Variants in MYO15A observed in about 807,000 individuals in gnomAD.
The protein encoded by MYO15A is unconventional myosin-XV.
Under a neutral mutation model 394.6 loss-of-function variants are expected in MYO15A, and 308 were observed. That is an observed-to-expected ratio of 0.78 (90% CI 0.71 to 0.86). The LOEUF (loss-of-function observed/expected upper bound fraction) is 0.86, where lower values mean the gene tolerates loss of function less well. Among genes scored for constraint, MYO15A ranks in the 40% least tolerant of loss-of-function variants. The pLI, the probability that MYO15A is intolerant of heterozygous loss-of-function variation, is 0.00. For synonymous variants in MYO15A, 1,957 were observed against 2,003.8 expected (o/e 0.98, Z 0.62); for missense variants, 4,606 against 4,799.1 (o/e 0.96, Z 1.19).
rs114052634 is a variant in MYO15A, at chr17:18,122,311, C to A, written c.3511C>A (p.His1171Asn). 6.2e-7 allele frequency: 1 copy of A among 1,613,030 alleles called. No individual in the cohort carries two copies. The highest frequency in any genetic ancestry group is 1.3e-5 in the African/African-American group (1 of 75,074). Residue 1171 changes from histidine (H) to asparagine (N), a missense_variant, in exon 2 of 66, where the codon CAC becomes AAC. By Grantham distance (68) the His-to-Asn change is moderately conservative. This residue lies in a region of MYO15A where 1,830 missense variants were observed against 1,689.7 expected (regional missense o/e 1.08). Coordinates refer to ENST00000647165, the MANE Select transcript of MYO15A (RefSeq NM_016239.4). The stretch of plus-strand genomic sequence containing the variant: ...TGCCTATGGACCCTGGCCACGAGTA[C>A]ACACCCATCCCCAGTCCTGCCACCT... ...ADAYGPWPRV[H>N]THPQSCHLGP...
At chr17:18,133,029 C>A (rs978009932) in intron 11 of MYO15A, among the ~76,000 whole-genome samples, 196 bp from the exon 12 acceptor site, 12 of 152,248 alleles carry the variant, frequency 7.9e-5, no homozygotes, top group Non-Finnish European at 1.5e-4. Context: ...CAGGTGACAA[C>A]CCCTGCCACA....
In MYO15A at chr17:18,154,692, A is replaced by G; in HGVS notation, c.8161A>G (p.Thr2721Ala). 2.5e-6 allele frequency: 4 copies of G among 1,613,322 alleles called. No individual in the cohort carries two copies. Among genetic ancestry groups the G allele is most frequent in the South Asian group, 1.1e-5 (1 of 91,080 alleles). Residue 2721 changes from threonine (T) to alanine (A), a missense_variant, in exon 45 of 66, where the codon ACG (threonine) becomes GCG (alanine). Physicochemically the swap from Thr to Ala is moderately conservative, Grantham distance 58 (BLOSUM62 0). Transcript: ENST00000647165. ...CCTGTTCCCACAGATCCTGCACGAC[A>G]CGCTCTCCGAGGCCTGCCTTCGCAT... ...DLLFRQILHD[T>A]LSEACLRISE...
At position 18,146,064 on chromosome 17, in the gene MYO15A, A is replaced by G. The variant is rs868309475; in HGVS notation, c.6466A>G (p.Ser2156Gly). The G allele has an allele frequency of 1.2e-6, 2 of 1,613,824 alleles. No homozygotes were observed. The highest frequency in any genetic ancestry group is 1.6e-4 in the Middle Eastern group (1 of 6,084). ...CTGGCTGCTGCTGGCCGCCTGCCTC[A>G]GTGGCTTTGCACCTTCCCCGTGCTT... The part of the protein sequence containing the change: ...RGWLLLAACL[S>G]GFAPSPCFNK... The change falls in exon 30 of 66, where the codon AGT (serine) becomes GGT (glycine). Residue 2156 changes from serine to glycine, a missense_variant. Ser to Gly is a moderately conservative substitution (Grantham distance 56, BLOSUM62 0). Around this residue, in one of 2 missense-constraint regions of MYO15A, gnomAD observed 2,776 missense variants for 3,109.3 expected, o/e 0.89. Transcript: ENST00000647165.
At position 18,118,668 on chromosome 17, in the gene MYO15A, C is replaced by A; in HGVS notation, c.-133C>A. 1.4e-6 allele frequency: 2 copies of A among 1,409,004 alleles called. No individual in the cohort carries two copies. Among genetic ancestry groups the A allele is most frequent in the Non-Finnish European group, 1.9e-6 (2 of 1,036,842 alleles). The allele number at this position is 1,409,004 out of a possible 1,614,324, so 87.3% of individuals were successfully genotyped here. On this transcript the variant is annotated 5_prime_UTR_variant, in exon 2 of 66. Transcript: ENST00000647165. ...TCGGCCCTCCCCACGCCACCCAGGG[C>A]CAGTCGGGTCTGCTCACAGCCCGAG... is the stretch of plus-strand genomic sequence containing the variant.
intron 12 of MYO15A, among the ~76,000 whole-genome samples, chr17:18,134,231 G>T (rs146087074): frequency 0.013 from 1,973 of 150,804 alleles, 31 homozygotes; most frequent in African/African-American, 0.046. Context: ...CTCGTGATCC[G>T]CCCACCTCGG....
Position 18,148,357 on chromosome 17 carries a change from T to C in MYO15A, c.6692-139T>C. 6.9e-7 allele frequency: 1 copy of C among 1,447,998 alleles called. No individual in the cohort carries two copies. The highest frequency in any genetic ancestry group is 9.4e-7 in the Non-Finnish European group (1 of 1,061,396). 89.7% of individuals were successfully genotyped at this position (1,447,998 alleles called of 1,614,324 possible). A position where few individuals can be genotyped will look rare whatever the true frequency, so the allele number is the denominator to read the frequency against. On this transcript the variant is annotated intron_variant, in intron 31 of 65. Transcript: ENST00000647165. The surrounding 1 kb of genome is among the most constrained non-coding windows in gnomAD (Gnocchi z 4.8). ...CTGCGTGAAAGTCTGTGTGTGGGGGTGGGACCTGGCCCAGGAAAGGGGAGC... is the reference window on the plus strand; with the variant it reads ...CTGCGTGAAAGTCTGTGTGTGGGGGCGGGACCTGGCCCAGGAAAGGGGAGC...
intron 49 of MYO15A, 32 bp downstream of exon 49, chr17:18,157,097 A>AG (rs763327121): frequency 1.2e-6 from 2 of 1,612,806 alleles, no homozygotes; most frequent in African/African-American, 1.3e-5. Flanking sequence ...TGGGGGCAGG[A>AG]GGGGGAGGCT....
chr17:18,159,295 C>T lies in MYO15A; in HGVS notation c.9177C>T (p.Leu3059=). 1.2e-6 allele frequency: 2 copies of T among 1,614,214 alleles called. No individual in the cohort carries two copies. Among genetic ancestry groups the T allele is most frequent in the Non-Finnish European group, 1.7e-6 (2 of 1,180,026 alleles). Residue 3059 remains leucine, a synonymous_variant, in exon 54 of 66, where the codon CTC becomes CTT. Transcript: ENST00000647165. ...CFTKTPLQES[L]IELSDSSLSK... The stretch of plus-strand genomic sequence containing the variant: ...CACAGACTCCCCTCCAGGAATCCCT[C>T]ATCGAACTCAGCGACAGCAGCCTCA...
chr17:18,164,362 G>A (rs2046820013), intron 60 of MYO15A: 2 of 190,278 alleles, frequency 1.1e-5, no homozygotes, highest in African/African-American at 4.7e-5. Context: ...CTTCCCTCCT[G>A]TCACCAGCTG....
At chr17:18,149,085 G>C (rs2046534563) in intron 33 of MYO15A, 131 bp from the exon 34 acceptor site, 1 of 1,480,116 alleles carries the variant, frequency 6.8e-7, no homozygotes, top group South Asian at 1.2e-5. Flanking sequence ...AGGTTCTTAA[G>C]GAGGTAGAGT....
Position 18,119,141 on chromosome 17 carries a change from GC to G in MYO15A, c.343del (p.Arg115ValfsTer329). ...PSFMVIRFPGRRGYGRLRPRA... is the reference protein window; with the variant it reads ...PSFMVIRFPGXRGYGRLRPRA... ...TTCATGGTGATCCGCTTCCCAGGCC[GC>G]CGTGGCTACGGCCGCCTGCGGCCGC... On this transcript the variant is annotated frameshift_variant, in exon 2 of 66. Transcript: ENST00000647165. LOFTEE classifies it high-confidence loss of function. 2 of 1,611,858 alleles carry G rather than the reference GC, an allele frequency of 1.2e-6. No homozygotes were observed. Among genetic ancestry groups the G allele is most frequent in the Non-Finnish European group, 1.7e-6 (2 of 1,179,598 alleles).
At chr17:18,175,660 A>C (rs1177540566) in intron 65 of MYO15A, among the ~76,000 whole-genome samples, 1 of 152,056 alleles carries the variant, frequency 6.6e-6, no homozygotes, top group Non-Finnish European at 1.5e-5. Context: ...TCTGATACTG[A>C]GGCTTTCAAA....
rs1402002110 is a variant in MYO15A at position 18,148,865 on chromosome 17, T to C, written c.6869T>C (p.Leu2290Pro). 6.2e-7 allele frequency: 1 copy of C among 1,607,420 alleles called. No individual in the cohort carries two copies. The highest frequency in any genetic ancestry group is 8.5e-7 in the Non-Finnish European group (1 of 1,177,016). Residue 2290 changes from leucine to proline, a missense_variant, in exon 33 of 66, where the codon CTG becomes CCG. Leu to Pro is a moderately conservative substitution (Grantham distance 98). Coordinates refer to ENST00000647165, the MANE Select transcript of MYO15A (RefSeq NM_016239.4). This position sits in a 1 kb window ranked among gnomAD's most constrained non-coding sequence, Gnocchi z 4.8. ...TACGTGTTAGACCTGGTGTCGGACC[T>C]GGAGCTGCTCAGGGACTTCCCTCGA... ...HDYVLDLVSDLELLRDFPRQK... is the reference protein window; with the variant it reads ...HDYVLDLVSDPELLRDFPRQK...
intron 62 of MYO15A, among the ~76,000 whole-genome samples, chr17:18,168,241 G>A (rs1240968166): frequency 6.6e-6 from 1 of 152,014 alleles, no homozygotes; most frequent in Non-Finnish European, 1.5e-5. Context: ...TTGCTATGTT[G>A]ACCAGGCTGA....
intron 55 of MYO15A, 21 bp downstream of exon 55, chr17:18,159,700 C>G: frequency 6.2e-7 from 1 of 1,613,110 alleles, no homozygotes; most frequent in Non-Finnish European, 8.5e-7. Flanking sequence ...CCAACTTTGC[C>G]AGATGCCCCC....
At chr17:18,138,782 C>T in intron 17 of MYO15A, 29 bp from the exon 18 acceptor site, 1 of 1,612,520 alleles carries the variant, frequency 6.2e-7, no homozygotes, top group Non-Finnish European at 8.5e-7. Flanking sequence ...GGCCTCCTGC[C>T]CACCCACTGA....
intron 1 of MYO15A, among the ~76,000 whole-genome samples, chr17:18,113,318 G>A (rs541559767): frequency 3.3e-5 from 5 of 152,050 alleles, no homozygotes; most frequent in South Asian, 4.2e-4. Context: ...GTAATTTTTC[G>A]GTTTGTTATC....
intron 3 of MYO15A, 39 bp from the exon 4 acceptor site, chr17:18,125,129 C>G: frequency 6.3e-7 from 1 of 1,598,948 alleles, no homozygotes; most frequent in Non-Finnish European, 8.6e-7. Flanking sequence ...CCAGAACCAG[C>G]CCTGGGGGCA....
intron 59 of MYO15A, 30 bp downstream of exon 59, chr17:18,163,351 G>A (rs370545929): frequency 3.7e-6 from 6 of 1,607,074 alleles, no homozygotes; most frequent in Non-Finnish European, 5.1e-6. Flanking sequence ...CTGCAGCCAG[G>A]TACTGGAGGG....
Sources: allele counts gnomAD v4.1 joint callset (sites outside exome capture counted in the v4.1 genomes callset), GRCh38; gene constraint gnomAD v4.1.1; regional missense constraint gnomAD v4.1.1; non-coding constraint Gnocchi (gnomAD v3.1); transcripts MANE v1.5; gene names NCBI Gene and HGNC (gene_info 2026-07-23, HGNC 2026-07-21).